Variants in TTN observed in about 807,000 individuals in gnomAD.
The protein encoded by TTN is titin, also known as connectin.
TTN carries 1,525 observed loss-of-function variants against 3,223.0 expected under a neutral mutation model. That is an observed-to-expected ratio of 0.47 (90% CI 0.45 to 0.49). The LOEUF is 0.49. Ranked by LOEUF, TTN falls within the 20% of genes least tolerant of loss-of-function variation. TTN has a pLI of 0.00. For synonymous variants in TTN, 14,094 were observed against 15,161.0 expected (o/e 0.93, Z 5.17); for missense variants, 40,786 against 43,424.0 (o/e 0.94, Z 5.40).
In TTN at chr2:178,711,231, A is replaced by G. The variant is rs779526034; in HGVS notation, c.28005T>C (p.Tyr9335=). 6 of 1,613,760 alleles carry G rather than the reference A, an allele frequency of 3.7e-6. No individual in the cohort carries two copies. In the African/African-American group the frequency reaches 8.0e-5, roughly 22 times the overall value. ...TGTCTTTCAATGGCTTGCCGTCTTT[A>G]TACCAAGACACGGAGATAGGTTCTG... is the stretch of plus-strand genomic sequence containing the variant. ...SGSEPISVSW[Y]KDGKPLKDSP... Residue 9335 remains tyrosine (Y), a synonymous_variant, in exon 97 of 363, where the codon TAT becomes TAC. Coordinates refer to ENST00000589042, the MANE Select transcript of TTN (RefSeq NM_001267550.2).
In TTN at chr2:178,547,925, G is replaced by A. The variant is rs548911604; in HGVS notation, c.93701C>T (p.Thr31234Ile). The change falls in exon 339 of 363, where the codon ACC (threonine) becomes ATC (isoleucine). Residue 31234 changes from threonine (T) to isoleucine (I), a missense_variant. Physicochemically the swap from Thr to Ile is moderately conservative, Grantham distance 89 (BLOSUM62 -1). Coordinates refer to ENST00000589042, the MANE Select transcript of TTN (RefSeq NM_001267550.2). ...ACGACCACTGATTGGTACGTCAATG[G>A]TAAATGGGCTTCCTGCTTTGCAAGT... is the stretch of plus-strand genomic sequence containing the variant. ...LITCKAGSPF[T>I]IDVPISGRPA... 6 of 1,613,812 alleles carry A rather than the reference G, an allele frequency of 3.7e-6. No homozygotes were observed. In the African/African-American group the frequency reaches 6.7e-5, roughly 18 times the overall value.
chr2:178,798,466 T>C (rs1388566427), intron 6 of TTN: 5 of 152,182 alleles, frequency 3.3e-5, no homozygotes, highest in Non-Finnish European at 7.4e-5. Context: ...AAGTCCATTT[T>C]ATTTTCTAGA....
intron 49 of TTN, among the ~76,000 whole-genome samples, chr2:178,736,335 A>C (rs1408375025): frequency 6.6e-6 from 1 of 152,220 alleles, no homozygotes; most frequent in Non-Finnish European, 1.5e-5. Context: ...ACATTACTAA[A>C]GATTTGTCCA....
Position 178,658,727 on chromosome 2 carries a change from CT to C in TTN, c.37520del (p.Lys12507SerfsTer440). ...TACCTTTAGGAGGTGGAGCTTCTGG[CT>C]TTTTGGCAGGAGGCACCGGTACTTT... ...EKKVPVPPAK[K>X]PEAPPPKVPE... On this transcript the variant is annotated frameshift_variant, in exon 183 of 363. Transcript: ENST00000589042. LOFTEE classifies it high-confidence loss of function. 1 of 1,564,572 alleles carries C rather than the reference CT, an allele frequency of 6.4e-7. No individual in the cohort carries two copies. The highest frequency in any genetic ancestry group is 8.7e-7 in the Non-Finnish European group (1 of 1,144,244).
chr2:178,781,796 AT>A lies in TTN; in HGVS notation c.3380+415del, dbSNP rs1465046219. On this transcript the variant is annotated intron_variant, in intron 20 of 362. Transcript: ENST00000589042. ...AATTGAAGAAAAATTACTAGCATAGATTTTTGTGCATAACTAGCTTTCTTCT... is the reference window on the plus strand; with the variant it reads ...AATTGAAGAAAAATTACTAGCATAGATTTTGTGCATAACTAGCTTTCTTCT... 2.0e-5 allele frequency among the ~76,000 whole-genome samples: 3 copies of A among 152,238 alleles called. No homozygotes were observed. In the East Asian group the frequency reaches 5.8e-4, roughly 29 times the overall value.
rs763879363 is a variant in TTN at position 178,709,662 on chromosome 2, C to T, written c.28657G>A (p.Val9553Ile). ...TFKNNTLVLQ[V>I]RKAGMNDAGL... ...GCGTCGTTCATGCCTGCTTTCCTGA[C>T]TTGCAGCACTAACGTGTTGTTCTTG... Residue 9553 changes from valine to isoleucine, a missense_variant, in exon 99 of 363, where the codon GTC becomes ATC. Physicochemically the swap from Val to Ile is conservative, Grantham distance 29. Transcript: ENST00000589042. 2.5e-6 allele frequency: 4 copies of T among 1,613,950 alleles called. No individual in the cohort carries two copies. The highest frequency in any genetic ancestry group is 3.4e-6 in the Non-Finnish European group (4 of 1,179,838).
In TTN at chr2:178,741,714, G is replaced by C; in HGVS notation, c.11519C>G (p.Ser3840Cys). The C allele has an allele frequency of 6.2e-7, 1 of 1,613,702 alleles. No homozygotes were observed. The highest frequency in any genetic ancestry group is 1.1e-5 in the South Asian group (1 of 91,074). ...DISMGDVATLSVTVIGIPKPK... is the reference protein window; with the variant it reads ...DISMGDVATLCVTVIGIPKPK... ...TTTGGGGATGCCAATGACAGTTACA[G>C]ACAGTGTAGCCACATCCCCCATGCT... The change falls in exon 48 of 363, where the codon TCT becomes TGT. Residue 3840 changes from serine to cysteine, a missense_variant. By Grantham distance (112) the Ser-to-Cys change is moderately radical. Coordinates refer to ENST00000589042, the MANE Select transcript of TTN (RefSeq NM_001267550.2).
In TTN at chr2:178,532,598, T is replaced by C. The variant is rs758352523; in HGVS notation, c.104017A>G (p.Met34673Val). Residue 34673 changes from methionine to valine, a missense_variant, in exon 358 of 363, where the codon ATG (methionine) becomes GTG (valine). Physicochemically the swap from Met to Val is conservative, Grantham distance 21. Transcript: ENST00000589042. ...LLLPIDDYLA[M>V]KRTEEERLRL... is the part of the protein sequence containing the mutation. ...AGCCTCTCTTCCTCTGTTCTTTTCA[T>C]TGCTAAGTAGTCATCAATGGGGAGG... The C allele has an allele frequency of 5.6e-6, 9 of 1,613,844 alleles. No homozygotes were observed. The highest frequency in any genetic ancestry group is 1.7e-5 in the Admixed American group (1 of 59,998).
At position 178,601,384 on chromosome 2, in the gene TTN, A is replaced by G; in HGVS notation, c.55613T>C (p.Phe18538Ser). The change falls in exon 287 of 363, where the codon TTT becomes TCT. Residue 18538 changes from phenylalanine (F) to serine (S), a missense_variant. By Grantham distance (155) the Phe-to-Ser change is radical. Coordinates refer to ENST00000589042, the MANE Select transcript of TTN (RefSeq NM_001267550.2). ...TTCAGAGAGGAGATCAGGCACTACA[A>G]ATGTGGTGCTTCCACAGTCTGGATT... The part of the protein sequence containing the change: ...KVNPDCGSTT[F>S]VVPDLLSEQQ... 6.2e-7 allele frequency: 1 copy of G among 1,612,752 alleles called. No homozygotes were observed. Among genetic ancestry groups the G allele is most frequent in the South Asian group, 1.1e-5 (1 of 90,986 alleles).
Position 178,739,898 on chromosome 2 carries a change from A to G in TTN, c.13335T>C (p.Val4445=). ...CTTCTGTTACAGACTTTGCCGAAGTAACAAGGTACATGCACATGATGTGTC... is the reference window on the plus strand; with the variant it reads ...CTTCTGTTACAGACTTTGCCGAAGTGACAAGGTACATGCACATGATGTGTC... ...EPRHIMCMYL[V]TSAKSVTEEV... is the part of the protein sequence containing the mutation. Residue 4445 remains valine (V), a synonymous_variant, in exon 48 of 363, where the codon GTT becomes GTC. Transcript: ENST00000589042. The G allele has an allele frequency of 6.2e-7, 1 of 1,613,928 alleles. No individual in the cohort carries two copies. Among genetic ancestry groups the G allele is most frequent in the Non-Finnish European group, 8.5e-7 (1 of 1,179,840 alleles).
rs770506970 is a variant in TTN at position 178,527,023 on chromosome 2, G to T, written c.107965C>A (p.Arg35989=). The part of the protein sequence containing the change: ...SDSATVNIHI[R]SI Reference sequence around the variant, plus strand: ...GGGCACAGGCCCTCTTAAATGGATCGAATATGTATATTCACAGTGGCAGAG... The same window carrying T: ...GGGCACAGGCCCTCTTAAATGGATCTAATATGTATATTCACAGTGGCAGAG... Residue 35989 remains arginine (R), a synonymous_variant, in exon 363 of 363, where the codon CGA becomes AGA. Transcript: ENST00000589042. 8 of 1,612,118 alleles carry T rather than the reference G, an allele frequency of 5.0e-6. No homozygotes were observed. The highest frequency in any genetic ancestry group is 1.6e-4 in the Middle Eastern group (1 of 6,074).
Position 178,779,378 on chromosome 2 carries a change from C to G in TTN, c.3814G>C (p.Glu1272Gln). The G allele has an allele frequency of 1.9e-6, 3 of 1,605,660 alleles. No individual in the cohort carries two copies. The highest frequency in any genetic ancestry group is 2.6e-6 in the Non-Finnish European group (3 of 1,172,706). ...GCCATCTTTTCTTCTCCATCTTCTTCAAGAAGTTCTTCTAATGTAGTCTTT... is the reference window on the plus strand; with the variant it reads ...GCCATCTTTTCTTCTCCATCTTCTTGAAGAAGTTCTTCTAATGTAGTCTTT... ...IIKTTLEELL[E>Q]EDGEEKMAVD... Residue 1272 changes from glutamate (E) to glutamine (Q), a missense_variant, in exon 23 of 363, where the codon GAA (glutamate) becomes CAA (glutamine). Transcript: ENST00000589042.
Position 178,561,270 on chromosome 2 carries a change from T to G in TTN, c.84862A>C (p.Ile28288Leu). Reference sequence around the variant, plus strand: ...TCTGGTAGTTCTCTGCGTTCAACAATGTATCCTGTGATCTTAGCTCCACCA... The same window carrying G: ...TCTGGTAGTTCTCTGCGTTCAACAAGGTATCCTGTGATCTTAGCTCCACCA... ...YDGGAKITGY[I>L]VERRELPDGR... The change falls in exon 326 of 363, where the codon ATT becomes CTT. Residue 28288 changes from isoleucine to leucine, a missense_variant. Physicochemically the swap from Ile to Leu is conservative, Grantham distance 5. Transcript: ENST00000589042. The G allele has an allele frequency of 6.2e-7, 1 of 1,613,808 alleles. No homozygotes were observed. Among genetic ancestry groups the G allele is most frequent in the Non-Finnish European group, 8.5e-7 (1 of 1,179,800 alleles).
Position 178,564,381 on chromosome 2 carries a change from C to T in TTN, c.81751G>A (p.Ala27251Thr). The part of the protein sequence containing the change: ...YEFRVIARNA[A>T]GNFSEPSDSS... ...TCAGATGGTTCACTAAAGTTTCCAG[C>T]TGCATTTCTTGCAATTACTCTAAAT... is the stretch of plus-strand genomic sequence containing the variant. Residue 27251 changes from alanine (A) to threonine (T), a missense_variant, in exon 326 of 363, where the codon GCT becomes ACT. Coordinates refer to ENST00000589042, the MANE Select transcript of TTN (RefSeq NM_001267550.2). The T allele has an allele frequency of 6.2e-7, 1 of 1,613,674 alleles. No homozygotes were observed. The highest frequency in any genetic ancestry group is 8.5e-7 in the Non-Finnish European group (1 of 1,179,756).
In TTN at chr2:178,612,391, CTG is replaced by C. The variant is rs779697951; in HGVS notation, c.50132_50133del (p.Thr16711SerfsTer6). ...AAAGAGCCCTCAGTCAGTGGGGTGA[CTG>C]TGCACTTGGTGTCCTTGACAGTGGT... is the stretch of plus-strand genomic sequence containing the variant. ...VDTTVKDTKC[T>X]VTPLTEGSLY... On this transcript the variant is annotated frameshift_variant, in exon 266 of 363. Transcript: ENST00000589042. LOFTEE classifies it high-confidence loss of function. 1 of 1,612,544 alleles carries C rather than the reference CTG, an allele frequency of 6.2e-7. No individual in the cohort carries two copies. The highest frequency in any genetic ancestry group is 8.5e-7 in the Non-Finnish European group (1 of 1,179,202).
chr2:178,633,765 C>A, intron 231 of TTN, 52 bp downstream of exon 231: 1 of 1,607,218 alleles, frequency 6.2e-7, no homozygotes, highest in Non-Finnish European at 8.5e-7. Context: ...TTATTACTCC[C>A]CACTCCCATG....
At position 178,562,262 on chromosome 2, in the gene TTN, C is replaced by T. The variant is rs148067743; in HGVS notation, c.83870G>A (p.Arg27957Lys). The T allele has an allele frequency of 1.9e-6, 3 of 1,613,342 alleles. No homozygotes were observed. Among genetic ancestry groups the T allele is most frequent in the African/African-American group, 1.3e-5 (1 of 75,022 alleles). ...PRQLGVPVIA[R>K]DIEIKPSVEL... ...AACTGAAGGCTTTATTTCAATATCC[C>T]TTGCAATTACTGGCACTCCAAGTTG... Residue 27957 changes from arginine to lysine, a missense_variant, in exon 326 of 363, where the codon AGG becomes AAG. Coordinates refer to ENST00000589042, the MANE Select transcript of TTN (RefSeq NM_001267550.2).
At chr2:178,754,070 A>G (rs940376967) in intron 46 of TTN, 1 of 152,142 alleles carries the variant, frequency 6.6e-6, no homozygotes, top group Non-Finnish European at 1.5e-5. Flanking sequence ...AATGAAAAAC[A>G]TGCTGAATGT....
intron 259 of TTN, 76 bp from the exon 260 acceptor site, chr2:178,615,044 A>G: frequency 2.3e-6 from 3 of 1,317,422 alleles, no homozygotes; most frequent in South Asian, 2.8e-5. Flanking sequence ...TAATCTTTCA[A>G]AAATTCAAAC....
Sources: gnomAD v4.1 joint callset for allele counts (sites outside exome capture counted in the v4.1 genomes callset) on GRCh38, gnomAD v4.1.1 for gene constraint, MANE v1.5 for transcripts, NCBI Gene and HGNC (gene_info 2026-07-23, HGNC 2026-07-21) for gene names.